The following DEFB124 variants were observed in gnomAD, a reference collection of about 807,000 sequenced individuals.
The protein encoded by DEFB124 is beta-defensin 124.
For missense variants in DEFB124, 78 were observed against 83.1 expected (o/e 0.94, Z 0.24); for synonymous variants, 38 against 36.5 (o/e 1.04, Z -0.15).
At chr20:31,468,604 T>A (rs568043974) in intron 2 of DEFB124, among the ~76,000 whole-genome samples, 210 of 151,592 alleles carry the variant, frequency 1.4e-3, no homozygotes, top group Non-Finnish European at 2.5e-3. Context: ...GCCTCCCGAG[T>A]AGCTGGGATT....
chr20:31,472,176 G>A (rs1173587172), intron 2 of DEFB124, among the ~76,000 whole-genome samples: 2 of 151,866 alleles, frequency 1.3e-5, no homozygotes, highest in African/African-American at 4.8e-5. Flanking sequence ...CGAGGCTGGC[G>A]GATCACTCGC....
At chr20:31,472,713 A>G in intron 2 of DEFB124, 2 of 442,570 alleles carry the variant, frequency 4.5e-6, no homozygotes, top group Admixed American at 3.9e-5. Flanking sequence ...CACTGTTATT[A>G]TTTCACAACC....
At chr20:31,472,687 A>C (rs944977138) in intron 2 of DEFB124, 4 of 411,626 alleles carry the variant, frequency 9.7e-6, no homozygotes, top group Non-Finnish European at 1.7e-5. Context: ...CTTTTCTTTC[A>C]CTGCTACATG....
At chr20:31,473,315 G>A (rs1253134413) in intron 1 of DEFB124, among the ~76,000 whole-genome samples, 1 of 152,070 alleles carries the variant, frequency 6.6e-6, no homozygotes, top group Non-Finnish European at 1.5e-5. Context: ...TAAGAGAGTG[G>A]AAAAAATCTT....
intron 1 of DEFB124, among the ~76,000 whole-genome samples, chr20:31,473,998 ATAGAATGTGCC>A (rs1454279500): frequency 2.6e-5 from 4 of 152,206 alleles, no homozygotes; most frequent in African/African-American, 9.6e-5. Context: ...GGCAGAAAGA[ATAGAATGTGCC>A]TAGAAGAGTA....
chr20:31,471,148 C>T (rs1458362593), intron 2 of DEFB124, among the ~76,000 whole-genome samples: 4 of 135,366 alleles, frequency 3.0e-5, no homozygotes, highest in Admixed American at 1.4e-4. Flanking sequence ...GACCCCCCCA[C>T]CTCCCTCCCG....
chr20:31,473,348 A>G (rs1329288284), intron 1 of DEFB124, among the ~76,000 whole-genome samples: 1 of 152,176 alleles, frequency 6.6e-6, no homozygotes, highest in African/African-American at 2.4e-5. Flanking sequence ...ACCTAGTTCA[A>G]TCCCCCGCAT....
At chr20:31,471,467 C>T (rs1259762604) in intron 2 of DEFB124, among the ~76,000 whole-genome samples, 3 of 129,484 alleles carry the variant, frequency 2.3e-5, no homozygotes, top group Admixed American at 1.4e-4. Context: ...GACTGACCCC[C>T]CCCACCTCCC....
rs376400740 is a variant in DEFB124, at chr20:31,469,145, G to T, written c.59-3482C>A. 1.1e-4 allele frequency among the ~76,000 whole-genome samples: 17 copies of T among 152,098 alleles called. 1 individual carries two copies. The highest frequency in any genetic ancestry group is 2.5e-4 in the Non-Finnish European group (17 of 68,018). ...TTTTAAAAAGAAAAAACTCTGGGCC[G>T]GGCATGGTGGCTCATGTCTGTAATC... On this transcript the variant is annotated intron_variant, in intron 2 of 2. Coordinates refer to ENST00000317676, the MANE Select transcript of DEFB124 (RefSeq NM_001037500.2).
At position 31,473,109 on chromosome 20, in the gene DEFB124, C is replaced by A. The variant is rs1980380023; in HGVS notation, c.-25-71G>T. 4.2e-6 allele frequency: 6 copies of A among 1,412,310 alleles called. No individual in the cohort carries two copies. In the Admixed American group the frequency reaches 9.3e-5, roughly 22 times the overall value. The allele number at this position is 1,412,310 out of a possible 1,614,324, so 87.5% of individuals were successfully genotyped here. On this transcript the variant is annotated intron_variant, in intron 1 of 2. Transcript: ENST00000317676. ...TGCTTCCAGCCCAGGCTTTATTGAG[C>A]TGCAGATGAAGGCAGTGCTGTGGGC...
At chr20:31,473,247 G>T (rs1000668277) in intron 1 of DEFB124, among the ~76,000 whole-genome samples, 9 of 152,176 alleles carry the variant, frequency 5.9e-5, no homozygotes, top group Non-Finnish European at 1.0e-4. Context: ...AGCTCGGAAG[G>T]GGAGGTAGAA....
chr20:31,474,421 G>A (rs1980418054), intron 1 of DEFB124, among the ~76,000 whole-genome samples: 1 of 152,232 alleles, frequency 6.6e-6, no homozygotes, highest in Non-Finnish European at 1.5e-5. Context: ...CAGCTGCTGT[G>A]GGAGTTATTC....
chr20:31,468,661 G>C (rs548282228), intron 2 of DEFB124, among the ~76,000 whole-genome samples: 1 of 152,156 alleles, frequency 6.6e-6, no homozygotes, highest in Non-Finnish European at 1.5e-5. Flanking sequence ...ATTTTTAGTA[G>C]AGATGGGGTT....
At chr20:31,470,117 G>T (rs561855438) in intron 2 of DEFB124, among the ~76,000 whole-genome samples, 2 of 131,736 alleles carry the variant, frequency 1.5e-5, no homozygotes, top group Non-Finnish European at 1.6e-5. Flanking sequence ...GCGGCTGGCC[G>T]GGCAGCGGGG....
chr20:31,468,965 A>G (rs951803906), intron 2 of DEFB124, among the ~76,000 whole-genome samples: 1 of 152,110 alleles, frequency 6.6e-6, no homozygotes, highest in Non-Finnish European at 1.5e-5. Context: ...TTAAAAATCA[A>G]AGAAGTATCC....
intron 2 of DEFB124, 100 bp downstream of exon 2, chr20:31,472,856 A>G: frequency 7.0e-7 from 1 of 1,419,452 alleles, no homozygotes; most frequent in Admixed American, 2.7e-5. Flanking sequence ...AAATGCTGAT[A>G]GAGGCCCCTC....
At chr20:31,470,876 G>C (rs1476302711) in intron 2 of DEFB124, among the ~76,000 whole-genome samples, 1 of 143,538 alleles carries the variant, frequency 7.0e-6, no homozygotes, top group African/African-American at 2.6e-5. Context: ...TGGCCGGGCG[G>C]GGGGCTGAGC....
At chr20:31,470,264 C>T (rs1378544075) in intron 2 of DEFB124, among the ~76,000 whole-genome samples, 1 of 141,464 alleles carries the variant, frequency 7.1e-6, no homozygotes, top group Non-Finnish European at 1.5e-5. Flanking sequence ...CTGACCCCCC[C>T]ACCTCCCTCC....
At chr20:31,466,718 G>T (rs1013376221) in intron 2 of DEFB124, among the ~76,000 whole-genome samples, 1 of 151,218 alleles carries the variant, frequency 6.6e-6, no homozygotes, top group Non-Finnish European at 1.5e-5. Flanking sequence ...TACATAAACT[G>T]CCCCTGACAC....
Sources: allele counts gnomAD v4.1 joint callset (sites outside exome capture counted in the v4.1 genomes callset), GRCh38; gene constraint gnomAD v4.1.1; transcripts MANE v1.5; gene names NCBI Gene and HGNC (gene_info 2026-07-23, HGNC 2026-07-21).